Variants in C10orf95 observed in about 807,000 individuals in gnomAD.
The protein encoded by C10orf95 is chromosome 10 open reading frame 95.
For missense variants in C10orf95, 412 were observed against 327.4 expected (o/e 1.26, Z -1.99); for synonymous variants, 188 against 160.4 (o/e 1.17, Z -1.30).
rs2061692725 is a variant in C10orf95 at position 102,451,410 on chromosome 10, C to G, written c.-79G>C. On this transcript the variant is annotated 5_prime_UTR_variant, in exon 1 of 2. Transcript: ENST00000625129. ...CTTGTCTCCTTCAGCCTTGGGGAGC[C>G]GGCGGGATCCAGAGCGGGGCTCCTC... The G allele has an allele frequency of 4.6e-6, 7 of 1,505,692 alleles. No homozygotes were observed. The highest frequency in any genetic ancestry group is 6.3e-6 in the Non-Finnish European group (7 of 1,113,352). 93.3% of individuals were successfully genotyped at this position (1,505,692 alleles called of 1,614,324 possible).
In C10orf95 at chr10:102,450,646, C is replaced by A. The variant is rs1483542804; in HGVS notation, c.448G>T (p.Gly150Cys). 6.2e-5 allele frequency: 76 copies of A among 1,230,128 alleles called. No individual in the cohort carries two copies. Among genetic ancestry groups the A allele is most frequent in the Non-Finnish European group, 7.5e-5 (74 of 987,602 alleles). 76.2% of individuals were successfully genotyped at this position (1,230,128 alleles called of 1,614,324 possible). Reference protein sequence around the residue: ...FVRRELRRAYGTYPRADVRVT... With the variant: ...FVRRELRRAYCTYPRADVRVT... ...CGCACGTCGGCGCGGGGGTAGGTGC[C>A]GTACGCGCGCCGCAGCTCCCGGCGC... The change falls in exon 2 of 2, where the codon GGC becomes TGC. Residue 150 changes from glycine (G) to cysteine (C), a missense_variant. Physicochemically the swap from Gly to Cys is radical, Grantham distance 159. Transcript: ENST00000625129.
chr10:102,450,235 G>A lies in C10orf95; in HGVS notation c.*217C>T, dbSNP rs1202386449. 4.4e-6 allele frequency: 3 copies of A among 685,088 alleles called. No individual in the cohort carries two copies. Among genetic ancestry groups the A allele is most frequent in the Non-Finnish European group, 8.0e-6 (3 of 376,418 alleles). The allele number at this position is 685,088 out of a possible 1,614,324, so 42.4% of individuals were successfully genotyped here. ...AACACCCAGAGGTGCCCTCGATTCC[G>A]TCTTGCACTTGCCCTTCTCCCACCG... On this transcript the variant is annotated 3_prime_UTR_variant, in exon 2 of 2. Coordinates refer to ENST00000625129, the MANE Select transcript of C10orf95 (RefSeq NM_001363580.1).
In C10orf95 at chr10:102,450,697, G is replaced by T. The variant is rs911644182; in HGVS notation, c.397C>A (p.Pro133Thr). ...ACGAAGTCCGGTAGCTGCAGAGGGG[G>T]GCCCCGCGCGCGCTCCACGCGGCCC... ...RWGRVERARGPPLQLPDFVRR... is the reference protein window; with the variant it reads ...RWGRVERARGTPLQLPDFVRR... Residue 133 changes from proline to threonine, a missense_variant, in exon 2 of 2, where the codon CCC becomes ACC. Transcript: ENST00000625129. 3.2e-6 allele frequency: 4 copies of T among 1,252,786 alleles called. No homozygotes were observed. The highest frequency in any genetic ancestry group is 1.6e-5 in the African/African-American group (1 of 63,496). 77.6% of individuals were successfully genotyped at this position (1,252,786 alleles called of 1,614,324 possible).
In C10orf95 at chr10:102,451,132, T is replaced by C. The variant is rs193070947; in HGVS notation, c.-39A>G. 14 of 1,437,980 alleles carry C rather than the reference T, an allele frequency of 9.7e-6. No homozygotes were observed. The East Asian group carries it at 3.0e-4, about 31-fold the overall frequency. The allele number at this position is 1,437,980 out of a possible 1,614,324, so 89.1% of individuals were successfully genotyped here. A position where few individuals can be genotyped will look rare whatever the true frequency, so the allele number is the denominator to read the frequency against. On this transcript the variant is annotated 5_prime_UTR_variant, in exon 2 of 2. Transcript: ENST00000625129. ...GGCGGCTGCTGTTCTTACTGGGGGC[T>C]CCTGCGGATCCAGACCTGCGGCGGA...
In C10orf95 at chr10:102,451,455, T is replaced by C; in HGVS notation, c.-124A>G. Reference sequence around the variant, plus strand: ...CTCCTCTCCGCACTTTGTAGCTGCGTTGCTCCGCTCCATGCCCTGCCTCAG... The same window carrying C: ...CTCCTCTCCGCACTTTGTAGCTGCGCTGCTCCGCTCCATGCCCTGCCTCAG... On this transcript the variant is annotated 5_prime_UTR_variant, in exon 1 of 2. Coordinates refer to ENST00000625129, the MANE Select transcript of C10orf95 (RefSeq NM_001363580.1). 1 of 1,424,728 alleles carries C rather than the reference T, an allele frequency of 7.0e-7. No homozygotes were observed. Among genetic ancestry groups the C allele is most frequent in the Non-Finnish European group, 9.4e-7 (1 of 1,063,094 alleles). The allele number at this position is 1,424,728 out of a possible 1,614,324, so 88.3% of individuals were successfully genotyped here.
Position 102,450,849 on chromosome 10 carries a change from G to C in C10orf95, c.245C>G (p.Ala82Gly), listed in dbSNP as rs548199586. ...GGCGCAGGGCCGGCGCAGGGTCGTG[G>C]CGTAGGCCGGAGGGCAGGCCCACCA... ...PPWWACPPAY[A>G]TTLRRPCAAA... The change falls in exon 2 of 2, where the codon GCC (alanine) becomes GGC (glycine). Residue 82 changes from alanine to glycine, a missense_variant. Transcript: ENST00000625129. 2.4e-6 allele frequency: 3 copies of C among 1,237,684 alleles called. No individual in the cohort carries two copies. The East Asian group carries it at 9.5e-5, about 39-fold the overall frequency. 76.7% of individuals were successfully genotyped at this position (1,237,684 alleles called of 1,614,324 possible). A position where few individuals can be genotyped will look rare whatever the true frequency, so the allele number is the denominator to read the frequency against.
In C10orf95 at chr10:102,451,021, A is replaced by G. The variant is rs1245348142; in HGVS notation, c.73T>C (p.Tyr25His). The G allele has an allele frequency of 1.4e-5, 18 of 1,328,500 alleles. No individual in the cohort carries two copies. Among genetic ancestry groups the G allele is most frequent in the Non-Finnish European group, 1.6e-5 (17 of 1,037,544 alleles). 82.3% of individuals were successfully genotyped at this position (1,328,500 alleles called of 1,614,324 possible). A position where few individuals can be genotyped will look rare whatever the true frequency, so the allele number is the denominator to read the frequency against. Residue 25 changes from tyrosine to histidine, a missense_variant, in exon 2 of 2, where the codon TAC (tyrosine) becomes CAC (histidine). Transcript: ENST00000625129. ...GGTAGCAGCAGAGGGGCGGCCAGGTAGGTGCAGGTGAGCAGCTGCGGCGGC... is the reference window on the plus strand; with the variant it reads ...GGTAGCAGCAGAGGGGCGGCCAGGTGGGTGCAGGTGAGCAGCTGCGGCGGC... ...PPPPQLLTCT[Y>H]LAAPLLLPPV...
Position 102,451,109 on chromosome 10 carries a change from CGGCTGCTGTTCTT to C in C10orf95, c.-29_-17del. The C allele has an allele frequency of 1.4e-6, 2 of 1,440,232 alleles. No individual in the cohort carries two copies. The highest frequency in any genetic ancestry group is 1.8e-6 in the Non-Finnish European group (2 of 1,099,424). The allele number at this position is 1,440,232 out of a possible 1,614,324, so 89.2% of individuals were successfully genotyped here. A position where few individuals can be genotyped will look rare whatever the true frequency, so the allele number is the denominator to read the frequency against. On this transcript the variant is annotated 5_prime_UTR_variant, in exon 2 of 2. Transcript: ENST00000625129. ...ACACATACATGGTCGGCCCCCCAGGCGGCTGCTGTTCTTACTGGGGGCTCCTGCGGATCCAGAC... is the reference window on the plus strand; with the variant it reads ...ACACATACATGGTCGGCCCCCCAGGCACTGGGGGCTCCTGCGGATCCAGAC...
rs936204318 is a variant in C10orf95, at chr10:102,450,633, CG to C, written c.460del (p.Arg154AlafsTer59). 5.7e-6 allele frequency: 7 copies of C among 1,237,584 alleles called. No homozygotes were observed. In the East Asian group the frequency reaches 1.4e-4, roughly 24 times the overall value. The allele number at this position is 1,237,584 out of a possible 1,614,324, so 76.7% of individuals were successfully genotyped here. ...ELRRAYGTYPRADVRVTQRRG... is the reference protein window; with the variant it reads ...ELRRAYGTYPXADVRVTQRRG... ...GCGCTGGGTGACGCGCACGTCGGCG[CG>C]GGGGTAGGTGCCGTACGCGCGCCGC... On this transcript the variant is annotated frameshift_variant, in exon 2 of 2. Coordinates refer to ENST00000625129, the MANE Select transcript of C10orf95 (RefSeq NM_001363580.1). LOFTEE classifies it low-confidence loss of function (END_TRUNC).
At chr10:102,451,243 G>A in intron 1 of C10orf95, 96 bp from the exon 2 acceptor site, 1 of 1,427,010 alleles carries the variant, frequency 7.0e-7, no homozygotes, top group Non-Finnish European at 9.2e-7. Flanking sequence ...ATGGCTTTGG[G>A]GGAATTCATC....
In C10orf95 at chr10:102,450,040, A is replaced by C; in HGVS notation, c.*412T>G. ...AGGCGGGGGTAGGGGAGCGGTGGGA[A>C]AGGGGGGTGGGCGACGACTCTGATA... is the stretch of plus-strand genomic sequence containing the variant. On this transcript the variant is annotated 3_prime_UTR_variant, in exon 2 of 2. Coordinates refer to ENST00000625129, the MANE Select transcript of C10orf95 (RefSeq NM_001363580.1). The C allele has an allele frequency of 8.5e-6, 2 of 235,730 alleles. No individual in the cohort carries two copies. Among genetic ancestry groups the C allele is most frequent in the East Asian group, 1.2e-4 (1 of 8,490 alleles). The allele number at this position is 235,730 out of a possible 1,614,324, so 14.6% of individuals were successfully genotyped here. A position where few individuals can be genotyped will look rare whatever the true frequency, so the allele number is the denominator to read the frequency against.
In C10orf95 at chr10:102,451,113, T is replaced by C; in HGVS notation, c.-20A>G. ...ATACATGGTCGGCCCCCCAGGCGGCTGCTGTTCTTACTGGGGGCTCCTGCG... is the reference window on the plus strand; with the variant it reads ...ATACATGGTCGGCCCCCCAGGCGGCCGCTGTTCTTACTGGGGGCTCCTGCG... On this transcript the variant is annotated 5_prime_UTR_variant, in exon 2 of 2. Coordinates refer to ENST00000625129, the MANE Select transcript of C10orf95 (RefSeq NM_001363580.1). The C allele has an allele frequency of 2.1e-6, 3 of 1,446,584 alleles. No homozygotes were observed. The highest frequency in any genetic ancestry group is 2.9e-5 in the African/African-American group (2 of 69,838). The allele number at this position is 1,446,584 out of a possible 1,614,324, so 89.6% of individuals were successfully genotyped here. A position where few individuals can be genotyped will look rare whatever the true frequency, so the allele number is the denominator to read the frequency against.
chr10:102,451,102 C>T lies in C10orf95; in HGVS notation c.-9G>A. The T allele has an allele frequency of 1.4e-6, 2 of 1,440,492 alleles. No homozygotes were observed. The highest frequency in any genetic ancestry group is 1.8e-6 in the Non-Finnish European group (2 of 1,099,430). The allele number at this position is 1,440,492 out of a possible 1,614,324, so 89.2% of individuals were successfully genotyped here. On this transcript the variant is annotated 5_prime_UTR_variant, in exon 2 of 2. Transcript: ENST00000625129. ...CAGCTGTACACATACATGGTCGGCC[C>T]CCCAGGCGGCTGCTGTTCTTACTGG...
chr10:102,450,901 CGGGGCCGTAGAAGCGGTGGTATTCCCGT>C lies in C10orf95; in HGVS notation c.165_192del (p.Arg56ProfsTer148). 1 of 1,236,216 alleles carries C rather than the reference CGGGGCCGTAGAAGCGGTGGTATTCCCGT, an allele frequency of 8.1e-7. No homozygotes were observed. Among genetic ancestry groups the C allele is most frequent in the East Asian group, 3.1e-5 (1 of 31,838 alleles). The allele number at this position is 1,236,216 out of a possible 1,614,324, so 76.6% of individuals were successfully genotyped here. On this transcript the variant is annotated frameshift_variant, in exon 2 of 2. Transcript: ENST00000625129. LOFTEE classifies it low-confidence loss of function (END_TRUNC). Reference sequence around the variant, plus strand: ...GGCGGCGCGGCCTCGGGTGGCGCGGCGGGGCCGTAGAAGCGGTGGTATTCCCGTGGGGCCGCCCACTCGCCCGCATGCA... The same window carrying C: ...GGCGGCGCGGCCTCGGGTGGCGCGGCGGGGCCGCCCACTCGCCCGCATGCA...
At chr10:102,451,175 A>G in intron 1 of C10orf95, 28 bp from the exon 2 acceptor site, 1 of 1,468,718 alleles carries the variant, frequency 6.8e-7, no homozygotes, top group Non-Finnish European at 9.0e-7. Flanking sequence ...ATATGTAGAC[A>G]GACTTTCTAC....
Position 102,450,703 on chromosome 10 carries a change from GC to G in C10orf95, c.390del (p.Arg131GlyfsTer82). ...TELRWGRVERARGPPLQLPDF... is the reference protein window; with the variant it reads ...TELRWGRVERXRGPPLQLPDF... ...TCCGGTAGCTGCAGAGGGGGGCCCC[GC>G]GCGCGCTCCACGCGGCCCCAGCGCA... On this transcript the variant is annotated frameshift_variant, in exon 2 of 2. Coordinates refer to ENST00000625129, the MANE Select transcript of C10orf95 (RefSeq NM_001363580.1). LOFTEE classifies it low-confidence loss of function (END_TRUNC). The G allele has an allele frequency of 8.0e-7, 1 of 1,257,338 alleles. No individual in the cohort carries two copies. Among genetic ancestry groups the G allele is most frequent in the South Asian group, 2.6e-5 (1 of 38,304 alleles). 77.9% of individuals were successfully genotyped at this position (1,257,338 alleles called of 1,614,324 possible). A position where few individuals can be genotyped will look rare whatever the true frequency, so the allele number is the denominator to read the frequency against.
rs1343176293 is a variant in C10orf95, at chr10:102,450,721, C to T, written c.373G>A (p.Gly125Ser). Reference sequence around the variant, plus strand: ...GGGCCCCGCGCGCGCTCCACGCGGCCCCAGCGCAGCTCGGTTTGCAGGCTC... The same window carrying T: ...GGGCCCCGCGCGCGCTCCACGCGGCTCCAGCGCAGCTCGGTTTGCAGGCTC... ...GGSLQTELRW[G>S]RVERARGPPL... The change falls in exon 2 of 2, where the codon GGC becomes AGC. Residue 125 changes from glycine (G) to serine (S), a missense_variant. Coordinates refer to ENST00000625129, the MANE Select transcript of C10orf95 (RefSeq NM_001363580.1). 4.2e-5 allele frequency: 55 copies of T among 1,309,160 alleles called. No homozygotes were observed. Among genetic ancestry groups the T allele is most frequent in the Non-Finnish European group, 5.3e-5 (54 of 1,025,394 alleles). 81.1% of individuals were successfully genotyped at this position (1,309,160 alleles called of 1,614,324 possible). A position where few individuals can be genotyped will look rare whatever the true frequency, so the allele number is the denominator to read the frequency against.
rs2061684101 is a variant in C10orf95, at chr10:102,450,458, C to G, written c.636G>C (p.Leu212=). 1 of 1,514,210 alleles carries G rather than the reference C, an allele frequency of 6.6e-7. No homozygotes were observed. 93.8% of individuals were successfully genotyped at this position (1,514,210 alleles called of 1,614,324 possible). The change falls in exon 2 of 2, where the codon CTG becomes CTC. Residue 212 remains leucine (L), a synonymous_variant. Transcript: ENST00000625129. ...ERGRPRKSKG[L]S ...CCTAGGCCTTGCGGCGGCTTCAGCT[C>G]AGGCCCTTGCTCTTCCTGGGGCGGC...
In C10orf95 at chr10:102,450,787, C is replaced by A; in HGVS notation, c.307G>T (p.Ala103Ser). 7.8e-7 allele frequency: 1 copy of A among 1,274,842 alleles called. No homozygotes were observed. Among genetic ancestry groups the A allele is most frequent in the East Asian group, 3.3e-5 (1 of 30,060 alleles). 79.0% of individuals were successfully genotyped at this position (1,274,842 alleles called of 1,614,324 possible). The change falls in exon 2 of 2, where the codon GCG (alanine) becomes TCG (serine). Residue 103 changes from alanine to serine, a missense_variant. By Grantham distance (99) the Ala-to-Ser change is moderately conservative. Coordinates refer to ENST00000625129, the MANE Select transcript of C10orf95 (RefSeq NM_001363580.1). ...GISGLSLQAP[A>S]AVAESWAPWP... ...GGCGCCCAGCTCTCGGCCACCGCCG[C>A]GGGCGCCTGCAGCGACAGTCCCGAG...
Sources: allele counts gnomAD v4.1 joint callset, GRCh38; gene constraint gnomAD v4.1.1; transcripts MANE v1.5; gene names NCBI Gene and HGNC (gene_info 2026-07-23, HGNC 2026-07-21).